The following COA8 variants were observed in gnomAD, a reference collection of about 807,000 sequenced individuals.
COA8 encodes the protein cytochrome c oxidase assembly factor 8.
A neutral mutation model predicts 22.0 loss-of-function variants in COA8; 20 were observed. The ratio of observed to expected loss-of-function variants is 0.91; its 90% CI spans 0.64 to 1.32. COA8 has a LOEUF of 1.32. COA8 is among the 40% of genes most tolerant of loss of function. COA8 has a pLI of 0.00. For missense variants in COA8, 266 were observed against 230.0 expected, an observed-to-expected ratio of 1.16 and a Z score of -1.01; for synonymous variants, 105 against 79.9, an observed-to-expected ratio of 1.31 and a Z score of -1.68.
At chr14:103,564,911 T>C (rs2076124936) in intron 1 of COA8, among the ~76,000 whole-genome samples, 2 of 151,786 alleles carry the variant, frequency 1.3e-5, no homozygotes, top group Non-Finnish European at 2.9e-5. Flanking sequence ...AAATAAATCT[T>C]ACCATGGGTC....
chr14:103,580,466 C>T (rs2076259450), intron 3 of COA8, among the ~76,000 whole-genome samples: 1 of 151,688 alleles, frequency 6.6e-6, no homozygotes, highest in African/African-American at 2.4e-5. Flanking sequence ...TGCCACCATA[C>T]CCAGCTAATT....
chr14:103,585,822 C>T (rs943248320), intron 3 of COA8, among the ~76,000 whole-genome samples: 1 of 152,012 alleles, frequency 6.6e-6, no homozygotes, highest in African/African-American at 2.4e-5. Flanking sequence ...GATCCACTTG[C>T]CTCGGCCTCC....
intron 3 of COA8, among the ~76,000 whole-genome samples, chr14:103,575,914 G>A (rs1340976678): frequency 2.0e-5 from 3 of 152,186 alleles, no homozygotes; most frequent in Non-Finnish European, 2.9e-5. Flanking sequence ...TGTTGCCCAG[G>A]CTGGTCTCAA....
intron 4 of COA8, among the ~76,000 whole-genome samples, chr14:103,589,337 G>A (rs1355969667): frequency 2.0e-5 from 3 of 152,170 alleles, no homozygotes; most frequent in African/African-American, 7.2e-5. Flanking sequence ...TTAAGTAGGT[G>A]GAGGTGTAAA....
intron 2 of COA8, 23 bp from the exon 3 acceptor site, chr14:103,574,078 CTTTTTT>C (rs11337243): frequency 1.0e-4 from 104 of 1,013,388 alleles, no homozygotes; most frequent in Admixed American, 1.9e-4. Context: ...TTCTGAGAGC[CTTTTTT>C]TTTTTTTTTT....
intron 3 of COA8, among the ~76,000 whole-genome samples, chr14:103,583,080 CT>C (rs1361739581): frequency 6.6e-6 from 1 of 151,876 alleles, no homozygotes; most frequent in Non-Finnish European, 1.5e-5. Context: ...TGTATTAGCA[CT>C]TTGGAGATTT....
intron 3 of COA8, 108 bp downstream of exon 3, chr14:103,574,278 T>C (rs1236142135): frequency 1.4e-6 from 2 of 1,451,128 alleles, no homozygotes; most frequent in Non-Finnish European, 1.9e-6. Context: ...AGGGCGGTCC[T>C]TGGCCTGCTT....
At position 103,563,045 on chromosome 14, in the gene COA8, TCTGCCGCGCCTTCGC is replaced by T; in HGVS notation, c.53_67del (p.Ala18_Arg22del). On this transcript the variant is annotated inframe_deletion, in exon 1 of 5. Transcript: ENST00000409074. ...GGGAAGAAGACCTTTCTCCCCCCTC[TCTGCCGCGCCTTCGC>T]CTGCCGCGGCTGTCAACTCGCTCCG... 6.5e-7 allele frequency: 1 copy of T among 1,542,952 alleles called. No homozygotes were observed. Among genetic ancestry groups the T allele is most frequent in the African/African-American group, 1.4e-5 (1 of 73,430 alleles).
Position 103,590,309 on chromosome 14 carries a change from A to G in COA8, c.*23A>G, listed in dbSNP as rs766852474. On this transcript the variant is annotated 3_prime_UTR_variant, in exon 5 of 5. Coordinates refer to ENST00000409074, the MANE Select transcript of COA8 (RefSeq NM_001370595.2). ...TAGGAGTCCACTCTGACCCAGCCAGAGTCCAGGTTTCCACAGGAAGCAGAT... is the reference window on the plus strand; with the variant it reads ...TAGGAGTCCACTCTGACCCAGCCAGGGTCCAGGTTTCCACAGGAAGCAGAT... The G allele has an allele frequency of 1.9e-6, 3 of 1,597,422 alleles. No homozygotes were observed. Among genetic ancestry groups the G allele is most frequent in the Non-Finnish European group, 2.6e-6 (3 of 1,168,028 alleles).
chr14:103,584,378 CT>C (rs2076290070), intron 3 of COA8, among the ~76,000 whole-genome samples: 1 of 152,190 alleles, frequency 6.6e-6, no homozygotes, highest in South Asian at 2.1e-4. Context: ...CCAATCAAGG[CT>C]TGGTCTTTCC....
intron 3 of COA8, among the ~76,000 whole-genome samples, chr14:103,582,506 C>T (rs1430106400): frequency 6.6e-6 from 1 of 152,160 alleles, no homozygotes; most frequent in African/African-American, 2.4e-5. Context: ...CGGGACCTGT[C>T]CCAGGAATGG....
intron 3 of COA8, among the ~76,000 whole-genome samples, chr14:103,578,348 G>A (rs933855373): frequency 1.3e-4 from 20 of 152,196 alleles, no homozygotes; most frequent in African/African-American, 2.2e-4. Flanking sequence ...GGCCTTCACC[G>A]GAATATTCTG....
At chr14:103,570,219 T>C (rs2076172397) in intron 1 of COA8, among the ~76,000 whole-genome samples, 1 of 152,180 alleles carries the variant, frequency 6.6e-6, no homozygotes, top group Admixed American at 6.5e-5. Context: ...TTTAGACTGA[T>C]GGGTAAAATG....
intron 3 of COA8, among the ~76,000 whole-genome samples, chr14:103,580,802 T>G (rs886713850): frequency 8.7e-5 from 13 of 148,724 alleles, no homozygotes; most frequent in African/African-American, 1.2e-4. Context: ...CTGTTGTTTT[T>G]TTTTTTTTTT....
intron 3 of COA8, among the ~76,000 whole-genome samples, chr14:103,575,731 ACT>A (rs1437420603): frequency 6.6e-6 from 1 of 151,998 alleles, no homozygotes; most frequent in African/African-American, 2.4e-5. Flanking sequence ...TCAGGGTCTC[ACT>A]CTGTCTCCCA....
At chr14:103,579,791 C>T (rs982042989) in intron 3 of COA8, among the ~76,000 whole-genome samples, 6 of 151,136 alleles carry the variant, frequency 4.0e-5, no homozygotes, top group South Asian at 2.1e-4. Flanking sequence ...TGTGAAATCC[C>T]GTCTATACTA....
chr14:103,574,365 TC>T, intron 3 of COA8, 195 bp downstream of exon 3: 2 of 756,450 alleles, frequency 2.6e-6, no homozygotes, highest in Non-Finnish European at 4.6e-6. Flanking sequence ...CAATCTCAGC[TC>T]CCTCCTTTCT....
At chr14:103,565,628 T>C (rs1006713263) in intron 1 of COA8, among the ~76,000 whole-genome samples, 1 of 151,362 alleles carries the variant, frequency 6.6e-6, no homozygotes, top group Non-Finnish European at 1.5e-5. Context: ...ATTTTTTTTT[T>C]TTTTTGAGAT....
At chr14:103,570,319 G>A (rs1008044847) in intron 1 of COA8, among the ~76,000 whole-genome samples, 1 of 152,156 alleles carries the variant, frequency 6.6e-6, no homozygotes, top group Non-Finnish European at 1.5e-5. Flanking sequence ...TAACCCTGAC[G>A]ATGAGCAGTA....
Sources: gnomAD v4.1 joint callset for allele counts (sites outside exome capture counted in the v4.1 genomes callset) on GRCh38, gnomAD v4.1.1 for gene constraint, MANE v1.5 for transcripts, NCBI Gene and HGNC (gene_info 2026-07-23, HGNC 2026-07-21) for gene names.